C19orf38: variants seen among roughly 807,000 people sequenced by gnomAD.
The protein encoded by C19orf38 is protein HIDE1.
A neutral mutation model predicts 26.6 loss-of-function variants in C19orf38; 14 were observed. That is an observed-to-expected ratio of 0.53 (90% CI 0.35 to 0.82). The LOEUF is 0.82. Ranked by LOEUF, C19orf38 falls within the 40% of genes least tolerant of loss-of-function variation. The probability of loss-of-function intolerance (pLI) is 0.01; values close to 1 mark genes in which losing one functional copy is unlikely to be tolerated. For missense variants in C19orf38, 261 were observed against 299.5 expected (o/e 0.87, Z 0.95); for synonymous variants, 132 against 128.5 (o/e 1.03, Z -0.18).
At chr19:10,858,279 CAA>C in intron 3 of C19orf38, 35 bp from the exon 4 acceptor site, 1 of 1,345,802 alleles carries the variant, frequency 7.4e-7, no homozygotes, top group Non-Finnish European at 1.0e-6. Flanking sequence ...CAATTAGGAC[CAA>C]AATCTAACAC....
chr19:10,866,954 A>T (rs1234266043), intron 6 of C19orf38, among the ~76,000 whole-genome samples: 1 of 151,460 alleles, frequency 6.6e-6, no homozygotes, highest in Non-Finnish European at 1.5e-5. Flanking sequence ...TTTTTGTATA[A>T]TTTTTGTATA....
rs561476084 is a variant in C19orf38, at chr19:10,860,298, C to T, written c.505+340C>T. Among the ~76,000 whole-genome samples the T allele has an allele frequency of 2.3e-3, 350 of 152,120 alleles. 3 individuals carry two copies. The highest frequency in any genetic ancestry group is 8.1e-3 in the African/African-American group (337 of 41,522). On this transcript the variant is annotated intron_variant, in intron 5 of 6. Coordinates refer to ENST00000397820, the MANE Select transcript of C19orf38 (RefSeq NM_001136482.3). ...ACTGTCATCCCAGCACTTTAGGAGG[C>T]TGAGGCAGGCAGATCACGAGGTCAG... is the stretch of plus-strand genomic sequence containing the variant.
Position 10,869,433 on chromosome 19 carries a change from C to CT in C19orf38, c.*67dup. ...GGGCCTGAGGTCCCTCCAGCTACTT[C>CT]TGGGGGGGCTCTGTCAGCCACTTTC... On this transcript the variant is annotated 3_prime_UTR_variant, in exon 7 of 7. Coordinates refer to ENST00000397820, the MANE Select transcript of C19orf38 (RefSeq NM_001136482.3). 1 of 1,471,298 alleles carries CT rather than the reference C, an allele frequency of 6.8e-7. No homozygotes were observed. Among genetic ancestry groups the CT allele is most frequent in the Non-Finnish European group, 9.0e-7 (1 of 1,109,400 alleles). The allele number at this position is 1,471,298 out of a possible 1,614,324, so 91.1% of individuals were successfully genotyped here.
At chr19:10,853,565 C>T (rs1358540811) in intron 2 of C19orf38, among the ~76,000 whole-genome samples, 2 of 150,874 alleles carry the variant, frequency 1.3e-5, no homozygotes, top group Admixed American at 6.7e-5. Flanking sequence ...GAATTACAGG[C>T]GTGAGCCACC....
chr19:10,853,401 C>T (rs1330734787), intron 2 of C19orf38, among the ~76,000 whole-genome samples: 27 of 152,000 alleles, frequency 1.8e-4, no homozygotes, highest in Admixed American at 1.7e-3. Context: ...ATTCTCCTGC[C>T]TCAGCCTCCC....
At chr19:10,849,419 G>T (rs1008583578) in intron 1 of C19orf38, among the ~76,000 whole-genome samples, 1 of 152,080 alleles carries the variant, frequency 6.6e-6, no homozygotes, top group Non-Finnish European at 1.5e-5. Context: ...TCTCCAAATG[G>T]GTCCTTCCTC....
intron 6 of C19orf38, among the ~76,000 whole-genome samples, chr19:10,868,043 G>A (rs2073769762): frequency 6.6e-6 from 1 of 152,170 alleles, no homozygotes. Context: ...CACTTGGGTT[G>A]TTTCCACCTT....
At chr19:10,840,017 T>A (rs898321920) in intron 1 of C19orf38, among the ~76,000 whole-genome samples, 1 of 152,196 alleles carries the variant, frequency 6.6e-6, no homozygotes, top group African/African-American at 2.4e-5. Context: ...TCACTGTGCC[T>A]GGCCCCACAA....
In C19orf38 at chr19:10,869,584, C is replaced by T. The variant is rs1392986992; in HGVS notation, c.*217C>T. Reference sequence around the variant, plus strand: ...AGACAACAGGAAGTTCCCCTCTCGACCTTCGGCTCCTCAGGACCACCAGAG... The same window carrying T: ...AGACAACAGGAAGTTCCCCTCTCGATCTTCGGCTCCTCAGGACCACCAGAG... On this transcript the variant is annotated 3_prime_UTR_variant, in exon 7 of 7. Coordinates refer to ENST00000397820, the MANE Select transcript of C19orf38 (RefSeq NM_001136482.3). 3 of 613,146 alleles carry T rather than the reference C, an allele frequency of 4.9e-6. No homozygotes were observed. Among genetic ancestry groups the T allele is most frequent in the Admixed American group, 3.7e-5 (1 of 26,704 alleles). 38.0% of individuals were successfully genotyped at this position (613,146 alleles called of 1,614,324 possible).
At chr19:10,862,266 G>A (rs555113404) in intron 5 of C19orf38, among the ~76,000 whole-genome samples, 6 of 146,794 alleles carry the variant, frequency 4.1e-5, no homozygotes, top group East Asian at 2.0e-4. Context: ...ACGCAGTGGC[G>A]CAATCATAGC....
chr19:10,855,597 C>T lies in C19orf38; in HGVS notation c.341-668C>T, dbSNP rs189622170. On this transcript the variant is annotated intron_variant, in intron 2 of 6. Transcript: ENST00000397820. The stretch of plus-strand genomic sequence containing the variant: ...AGGCTGGAGTTCAGTGGCGCCATCT[C>T]AGCTCACTGCAACCTCCGCCTCCCG... 4.0e-4 allele frequency among the ~76,000 whole-genome samples: 61 copies of T among 152,308 alleles called. No individual in the cohort carries two copies. The East Asian group carries it at 0.012, about 29-fold the overall frequency.
chr19:10,844,053 C>T (rs938822936), upstream of C19orf38, among the ~76,000 whole-genome samples: 27 of 151,814 alleles, frequency 1.8e-4, no homozygotes, highest in African/African-American at 6.0e-4. Context: ...ATGGAGGTTG[C>T]AGTGCAGCCG....
At chr19:10,859,459 T>C (rs1481983806) in intron 4 of C19orf38, among the ~76,000 whole-genome samples, 6 of 142,484 alleles carry the variant, frequency 4.2e-5, no homozygotes, top group Admixed American at 2.9e-4. Flanking sequence ...CTCGGCTCAC[T>C]GCAACCTCCG....
At position 10,869,213 on chromosome 19, in the gene C19orf38, CAAAG is replaced by C; in HGVS notation, c.544-1_546del. On this transcript the variant is annotated splice_acceptor_variant and splice_polypyrimidine_tract_variant and intron_variant, in intron 6 of 6. Coordinates refer to ENST00000397820, the MANE Select transcript of C19orf38 (RefSeq NM_001136482.3). LOFTEE classifies it high-confidence loss of function. ...ACTTCTGTGTTTCTTCTTACATGGA[CAAAG>C]AAAACGATGCCAGAAGAAGACCCGG... 1.3e-6 allele frequency: 2 copies of C among 1,551,604 alleles called. No individual in the cohort carries two copies. The highest frequency in any genetic ancestry group is 1.2e-5 in the South Asian group (1 of 84,062).
chr19:10,867,865 C>A (rs2073767747), intron 6 of C19orf38, among the ~76,000 whole-genome samples: 1 of 151,684 alleles, frequency 6.6e-6, no homozygotes, highest in Non-Finnish European at 1.5e-5. Flanking sequence ...GTTGGCCAGG[C>A]TGGTCTTGAA....
chr19:10,859,982 T>A, intron 5 of C19orf38, 24 bp downstream of exon 5: 1 of 1,545,722 alleles, frequency 6.5e-7, no homozygotes, highest in Non-Finnish European at 8.8e-7. Context: ...CACTCCTGAC[T>A]CCAGTGGGGA....
intron 4 of C19orf38, among the ~76,000 whole-genome samples, chr19:10,859,401 T>A (rs1467486741): frequency 1.7e-5 from 2 of 120,854 alleles, no homozygotes; most frequent in African/African-American, 3.2e-5. Flanking sequence ...TTTTTTTTTT[T>A]AGACGGAGTC....
intron 6 of C19orf38, among the ~76,000 whole-genome samples, chr19:10,864,483 A>AG (rs1273320845): frequency 6.6e-6 from 1 of 152,116 alleles, no homozygotes; most frequent in African/African-American, 2.4e-5. Context: ...GAGGAGTCGA[A>AG]GGGGACCCCA....
chr19:10,844,884 G>C (rs1277899563), upstream of C19orf38, among the ~76,000 whole-genome samples: 2 of 150,668 alleles, frequency 1.3e-5, no homozygotes, highest in Non-Finnish European at 3.0e-5. Flanking sequence ...GCTGGGCGTG[G>C]TGGTGGCTTA....
Sources: allele counts gnomAD v4.1 joint callset (sites outside exome capture counted in the v4.1 genomes callset), GRCh38; gene constraint gnomAD v4.1.1; transcripts MANE v1.5; gene names NCBI Gene and HGNC (gene_info 2026-07-23, HGNC 2026-07-21).